Variants in FER observed in about 807,000 individuals in gnomAD.
The protein encoded by FER is tyrosine-protein kinase Fer.
Under a neutral mutation model 111.0 loss-of-function variants are expected in FER, and 63 were observed. The ratio of observed to expected loss-of-function variants is 0.57; its 90% confidence interval spans 0.46 to 0.70. FER has a LOEUF of 0.70. Among genes scored for constraint, FER ranks in the 30% least tolerant of loss-of-function variants. The pLI, the probability that FER is intolerant of heterozygous loss-of-function variation, is 0.00. For synonymous variants in FER, 327 were observed against 313.9 expected, an observed-to-expected ratio of 1.04 and a Z score of -0.44; for missense variants, 914 against 954.0, an observed-to-expected ratio of 0.96 and a Z score of 0.55.
chr5:109,038,798 G>T (rs997710151), intron 14 of FER, among the ~76,000 whole-genome samples: 34 of 151,804 alleles, frequency 2.2e-4, no homozygotes, highest in Non-Finnish European at 2.9e-5. Flanking sequence ...CTGAAATAAA[G>T]GCAGAATATG....
At chr5:108,815,127 A>G (rs1758149958) in intron 3 of FER, among the ~76,000 whole-genome samples, 1 of 152,134 alleles carries the variant, frequency 6.6e-6, no homozygotes, top group Non-Finnish European at 1.5e-5. Flanking sequence ...TTTACTATAT[A>G]TGGAATTTTA....
intron 9 of FER, chr5:108,894,556 A>C: frequency 2.4e-6 from 1 of 409,414 alleles, no homozygotes; most frequent in Non-Finnish European, 4.8e-6. Context: ...AGGGTTCCAC[A>C]GATGCTCAGG....
intron 17 of FER, among the ~76,000 whole-genome samples, chr5:109,147,432 G>T (rs1241289714): frequency 6.6e-6 from 1 of 151,702 alleles, no homozygotes; most frequent in Non-Finnish European, 1.5e-5. Flanking sequence ...TTATGTCTAG[G>T]AATATATTCT....
At chr5:108,825,097 A>T (rs1176666752) in intron 3 of FER, among the ~76,000 whole-genome samples, 1 of 152,202 alleles carries the variant, frequency 6.6e-6, no homozygotes, top group African/African-American at 2.4e-5. Flanking sequence ...ACAGGACCAC[A>T]GGACGGAGGC....
At chr5:108,808,414 T>G (rs1197186295) in intron 3 of FER, among the ~76,000 whole-genome samples, 1 of 152,162 alleles carries the variant, frequency 6.6e-6, no homozygotes, top group Non-Finnish European at 1.5e-5. Flanking sequence ...GATATAAGAA[T>G]AGCTTCACTA....
intron 16 of FER, among the ~76,000 whole-genome samples, chr5:109,055,790 CA>C (rs77291685): frequency 0.37 from 26,911 of 72,300 alleles, 3,311 homozygotes; most frequent in African/African-American, 0.49. Context: ...AACCTTGTCT[CA>C]AAAAAAAAAA....
intron 17 of FER, among the ~76,000 whole-genome samples, chr5:109,120,336 C>T (rs1487869828): frequency 1.3e-5 from 2 of 152,114 alleles, no homozygotes; most frequent in African/African-American, 2.4e-5. Context: ...CTCCAGTTTT[C>T]TCAGCACCAT....
rs551168723 is a variant in FER, at chr5:109,162,844, AT to A, written c.2049-17896del. On this transcript the variant is annotated intron_variant, in intron 17 of 19. Transcript: ENST00000281092. ...TATTTGTAAGAATCTTAAGGTGCCT[AT>A]TTTTTTAATCACCTTTATTGCACTA... Among the ~76,000 whole-genome samples, 864 of 152,140 alleles carry A rather than the reference AT, an allele frequency of 5.7e-3. 4 individuals are homozygous for A. The highest frequency in any genetic ancestry group is 0.027 in the Middle Eastern group (8 of 294).
intron 17 of FER, among the ~76,000 whole-genome samples, chr5:109,178,598 C>T (rs1757961258): frequency 6.6e-6 from 1 of 152,138 alleles, no homozygotes; most frequent in Non-Finnish European, 1.5e-5. Flanking sequence ...TGTACCTCTG[C>T]CAAAAAAATT....
intron 17 of FER, among the ~76,000 whole-genome samples, chr5:109,136,288 G>A (rs1436006552): frequency 4.0e-5 from 6 of 151,146 alleles, no homozygotes. Flanking sequence ...ACTAGACCCC[G>A]TCTAAAAATA....
intron 13 of FER, among the ~76,000 whole-genome samples, chr5:108,992,345 CA>C (rs933553642): frequency 1.4e-4 from 22 of 152,206 alleles, no homozygotes; most frequent in Non-Finnish European, 2.5e-4. Context: ...TTCTATTCTA[CA>C]AAACCGCCAT....
chr5:109,001,061 A>C (rs893075408), intron 13 of FER, among the ~76,000 whole-genome samples: 22 of 152,334 alleles, frequency 1.4e-4, no homozygotes, highest in African/African-American at 5.1e-4. Flanking sequence ...TCACAGCTGA[A>C]TTCTACCAGA....
At position 108,832,757 on chromosome 5, in the gene FER, T is replaced by C. The variant is rs753891982; in HGVS notation, c.208-13T>C. The C allele has an allele frequency of 6.9e-7, 1 of 1,451,226 alleles. No individual in the cohort carries two copies. Among genetic ancestry groups the C allele is most frequent in the Non-Finnish European group, 9.1e-7 (1 of 1,097,110 alleles). 89.9% of individuals were successfully genotyped at this position (1,451,226 alleles called of 1,614,324 possible). ...TAATGCAAATGTTTGTTTCTTTTTT[T>C]TTTTTTTTTAAGTCTTGGCTACTTA... On this transcript the variant is annotated splice_polypyrimidine_tract_variant and intron_variant, in intron 3 of 19. Coordinates refer to ENST00000281092, the MANE Select transcript of FER (RefSeq NM_005246.4).
At chr5:109,166,537 T>A (rs193118955) in intron 17 of FER, among the ~76,000 whole-genome samples, 1 of 152,246 alleles carries the variant, frequency 6.6e-6, no homozygotes, top group Admixed American at 6.5e-5. Context: ...CAGTTATCTA[T>A]TGATTCATAA....
chr5:109,143,714 TTTTG>T (rs1753765171), intron 17 of FER, among the ~76,000 whole-genome samples: 1 of 150,790 alleles, frequency 6.6e-6, no homozygotes, highest in African/African-American at 2.5e-5. Flanking sequence ...TTTTGTTTTG[TTTTG>T]TTTTTTTTTG....
chr5:108,817,984 T>C (rs1485464859), intron 3 of FER: 1 of 152,206 alleles, frequency 6.6e-6, no homozygotes, highest in Non-Finnish European at 1.5e-5. Context: ...ATGTATGCAA[T>C]GATCTCGTTT....
chr5:108,988,363 T>G (rs114119047), intron 13 of FER, among the ~76,000 whole-genome samples: 1,587 of 152,290 alleles, frequency 0.01, 18 homozygotes, highest in Middle Eastern at 0.054. Flanking sequence ...CTAGGATTGG[T>G]ACCAATTCTT....
chr5:109,105,736 C>G (rs1017144852), intron 17 of FER, among the ~76,000 whole-genome samples: 5 of 152,132 alleles, frequency 3.3e-5, no homozygotes, highest in African/African-American at 1.2e-4. Context: ...CTGTCTCATT[C>G]AAGTATTAGT....
At chr5:109,042,621 G>C (rs1458178818) in intron 14 of FER, among the ~76,000 whole-genome samples, 1 of 152,118 alleles carries the variant, frequency 6.6e-6, no homozygotes, top group African/African-American at 2.4e-5. Context: ...TCTTAAAATA[G>C]GGCAGAAACC....
Sources: allele counts gnomAD v4.1 joint callset (sites outside exome capture counted in the v4.1 genomes callset), GRCh38; gene constraint gnomAD v4.1.1; transcripts MANE v1.5; gene names NCBI Gene and HGNC (gene_info 2026-07-23, HGNC 2026-07-21).